Variants in SERGEF observed in about 807,000 individuals in gnomAD.
SERGEF encodes the protein secretion regulating guanine nucleotide exchange factor, also known as secretion-regulating guanine nucleotide exchange factor.
In SERGEF, 51 loss-of-function variants were observed where a neutral mutation model predicts 50.0. That is an observed-to-expected ratio of 1.02 (90% CI 0.81 to 1.29). The LOEUF (loss-of-function observed/expected upper bound fraction) is 1.29, where lower values mean the gene tolerates loss of function less well. SERGEF is among the 50% of genes most tolerant of loss of function. The pLI, the probability that SERGEF is intolerant of heterozygous loss-of-function variation, is 0.00. For synonymous variants in SERGEF, 205 were observed against 212.4 expected (o/e 0.97, Z 0.30); for missense variants, 521 against 557.0 (o/e 0.94, Z 0.65).
intron 10 of SERGEF, among the ~76,000 whole-genome samples, chr11:17,851,308 C>A (rs1850708320): frequency 6.6e-6 from 1 of 152,168 alleles, no homozygotes; most frequent in East Asian, 1.9e-4. Context: ...AGGATTCAAA[C>A]CTTGGTCCCC....
chr11:17,951,848 C>T lies in SERGEF; in HGVS notation c.1011+7622G>A, dbSNP rs998970019. On this transcript the variant is annotated intron_variant, in intron 9 of 10. Transcript: ENST00000265965. ...AGGACAGCAGCATCTGCCCTTCCCG[C>T]CACTCAGGGGTCAGAGCCAATAATG... Among the ~76,000 whole-genome samples the T allele has an allele frequency of 2.6e-5, 4 of 152,332 alleles. No homozygotes were observed. In the East Asian group the frequency reaches 5.8e-4, roughly 22 times the overall value.
intron 10 of SERGEF, among the ~76,000 whole-genome samples, chr11:17,841,181 C>T (rs763392012): frequency 2.6e-5 from 4 of 152,278 alleles, no homozygotes; most frequent in South Asian, 4.2e-4. Context: ...TCACATTTCT[C>T]GGGGCATCCT....
intron 10 of SERGEF, among the ~76,000 whole-genome samples, chr11:17,864,658 G>T (rs1488610211): frequency 2.6e-5 from 4 of 152,178 alleles, no homozygotes; most frequent in African/African-American, 9.7e-5. Flanking sequence ...GCTGAGAAAG[G>T]CAAGATCTGG....
chr11:17,830,648 G>GA (rs1554999432), intron 10 of SERGEF, among the ~76,000 whole-genome samples: 8,450 of 98,424 alleles, frequency 0.086, 1,685 homozygotes, highest in African/African-American at 0.28. Flanking sequence ...GGGAGAGGGA[G>GA]GGAGAGAGAG....
chr11:17,851,931 T>C (rs1008765159), intron 10 of SERGEF, among the ~76,000 whole-genome samples: 6 of 152,204 alleles, frequency 3.9e-5, no homozygotes, highest in East Asian at 1.9e-4. Flanking sequence ...TTAGGCTGGA[T>C]TGAACTAAAA....
chr11:17,916,481 A>T (rs1852050316), intron 9 of SERGEF, among the ~76,000 whole-genome samples: 2 of 152,226 alleles, frequency 1.3e-5, no homozygotes, highest in African/African-American at 4.8e-5. Context: ...GGAGGCATTG[A>T]GCCCCACCAG....
chr11:17,791,946 T>C (rs973928871), intron 10 of SERGEF, among the ~76,000 whole-genome samples: 1 of 152,252 alleles, frequency 6.6e-6, no homozygotes, highest in African/African-American at 2.4e-5. Flanking sequence ...ATTACTTTTT[T>C]TTCCTCAGTT....
At chr11:17,998,528 A>ATG (rs71047568) in intron 5 of SERGEF, among the ~76,000 whole-genome samples, 105,034 of 125,732 alleles carry the variant, frequency 0.84, 43,270 homozygotes, top group East Asian at 0.87. Flanking sequence ...ATATGTTTAT[A>ATG]TGTGTGTGTG....
At chr11:17,815,499 C>T (rs1208191999) in intron 10 of SERGEF, among the ~76,000 whole-genome samples, 1 of 151,642 alleles carries the variant, frequency 6.6e-6, no homozygotes, top group East Asian at 1.9e-4. Flanking sequence ...CCTGTAGTCC[C>T]AGCTACTCCA....
At chr11:17,919,559 T>C (rs1852115222) in intron 9 of SERGEF, among the ~76,000 whole-genome samples, 1 of 151,972 alleles carries the variant, frequency 6.6e-6, no homozygotes, top group African/African-American at 2.4e-5. Flanking sequence ...ATTTGAAAAA[T>C]GGGTAGTGAA....
intron 10 of SERGEF, among the ~76,000 whole-genome samples, chr11:17,800,289 C>G (rs930978934): frequency 6.6e-6 from 1 of 152,194 alleles, no homozygotes; most frequent in Non-Finnish European, 1.5e-5. Context: ...TCCCGCACCA[C>G]TGACACACCA....
At chr11:17,836,613 C>T (rs1850403084) in intron 10 of SERGEF, among the ~76,000 whole-genome samples, 1 of 152,208 alleles carries the variant, frequency 6.6e-6, no homozygotes, top group Non-Finnish European at 1.5e-5. Context: ...TAATGTAACA[C>T]ATCAGTGCAT....
At chr11:17,994,230 T>C (rs1853782266) in intron 6 of SERGEF, among the ~76,000 whole-genome samples, 1 of 152,008 alleles carries the variant, frequency 6.6e-6, no homozygotes, top group African/African-American at 2.4e-5. Context: ...GGTCTAGCAC[T>C]TTGGGAGGCC....
rs375327005 is a variant in SERGEF at position 17,788,126 on chromosome 11, T to C, written c.1336A>G (p.Thr446Ala). The C allele has an allele frequency of 1.5e-5, 23 of 1,566,088 alleles. No individual in the cohort carries two copies. In the African/African-American group the frequency reaches 3.0e-4, roughly 20 times the overall value. The stretch of plus-strand genomic sequence containing the variant: ...CTGGACCAGTCAGATTGGCTTTGGG[T>C]TGAAGTTTCTGATTGTCTTTCCTTC... The part of the protein sequence containing the change: ...NWKERQSETS[T>A]QSQSDWSRNG... The change falls in exon 11 of 11, where the codon ACC becomes GCC. Residue 446 changes from threonine (T) to alanine (A), a missense_variant. Physicochemically the swap from Thr to Ala is moderately conservative, Grantham distance 58 (BLOSUM62 0). Transcript: ENST00000265965.
chr11:17,813,946 G>A (rs1338260280), intron 10 of SERGEF, among the ~76,000 whole-genome samples: 1 of 152,216 alleles, frequency 6.6e-6, no homozygotes, highest in African/African-American at 2.4e-5. Flanking sequence ...GCAGATCTGA[G>A]AGAGACAGAA....
At chr11:17,844,914 AAAAC>A (rs1320773506) in intron 10 of SERGEF, among the ~76,000 whole-genome samples, 10 of 127,496 alleles carry the variant, frequency 7.8e-5, no homozygotes, top group Non-Finnish European at 1.6e-4. Context: ...AAAACAAAAC[AAAAC>A]AAACAAACAA....
intron 10 of SERGEF, among the ~76,000 whole-genome samples, chr11:17,873,826 C>T (rs1278953247): frequency 2.0e-5 from 3 of 152,192 alleles, no homozygotes; most frequent in African/African-American, 7.2e-5. Flanking sequence ...GAAACGCAGT[C>T]AGCTCTTTTT....
At chr11:17,893,933 A>G (rs940011870) in intron 9 of SERGEF, among the ~76,000 whole-genome samples, 3 of 152,098 alleles carry the variant, frequency 2.0e-5, no homozygotes, top group Non-Finnish European at 4.4e-5. Flanking sequence ...CTGAGTCTTA[A>G]TTCTGGCCTT....
At chr11:17,795,263 G>A (rs1849554444) in intron 10 of SERGEF, among the ~76,000 whole-genome samples, 1 of 152,182 alleles carries the variant, frequency 6.6e-6, no homozygotes, top group Admixed American at 6.5e-5. Context: ...AGCTCATAGG[G>A]ATCCCATCCT....
Sources: gnomAD v4.1 joint callset for allele counts (sites outside exome capture counted in the v4.1 genomes callset) on GRCh38, gnomAD v4.1.1 for gene constraint, MANE v1.5 for transcripts, NCBI Gene and HGNC (gene_info 2026-07-23, HGNC 2026-07-21) for gene names.